THSD7A: variants seen among roughly 807,000 people sequenced by gnomAD.
THSD7A encodes the protein thrombospondin type 1 domain containing 7A, also known as thrombospondin type-1 domain-containing protein 7A.
Under a neutral mutation model 231.3 loss-of-function variants are expected in THSD7A, and 96 were observed. That is an observed-to-expected ratio of 0.41 (90% CI 0.35 to 0.49). THSD7A has a LOEUF of 0.49. THSD7A is among the 20% of genes least tolerant of loss of function. The pLI, the probability that THSD7A is intolerant of heterozygous loss-of-function variation, is 0.05. For synonymous variants in THSD7A, 940 were observed against 743.3 expected (o/e 1.26, Z -4.30); for missense variants, 2,290 against 2,070.2 (o/e 1.11, Z -2.06).
rs1035687682 is a variant in THSD7A at position 11,686,135 on chromosome 7, G to C, written c.191-49174C>G. On this transcript the variant is annotated intron_variant, in intron 1 of 27. Coordinates refer to ENST00000423059, the MANE Select transcript of THSD7A (RefSeq NM_015204.3). Reference sequence around the variant, plus strand: ...TTTATAAAAGTGGGAGCTAAACATTGGGTACATTTAGACATAAAGATGGGA... The same window carrying C: ...TTTATAAAAGTGGGAGCTAAACATTCGGTACATTTAGACATAAAGATGGGA... Among the ~76,000 whole-genome samples the C allele has an allele frequency of 3.3e-5, 5 of 151,834 alleles. No individual in the cohort carries two copies. The South Asian group carries it at 1.0e-3, about 32-fold the overall frequency.
intron 4 of THSD7A, among the ~76,000 whole-genome samples, chr7:11,561,895 A>G (rs558121643): frequency 1.3e-5 from 2 of 152,232 alleles, no homozygotes; most frequent in Admixed American, 1.3e-4. Context: ...AAAAAGATTA[A>G]GTAATTTTCC....
intron 1 of THSD7A, among the ~76,000 whole-genome samples, chr7:11,790,405 A>C (rs1030837964): frequency 3.3e-5 from 5 of 151,924 alleles, no homozygotes; most frequent in African/African-American, 1.2e-4. Flanking sequence ...CCAGTTCCTT[A>C]CTTTACAATA....
chr7:11,757,633 G>A (rs985205798), intron 1 of THSD7A, among the ~76,000 whole-genome samples: 2 of 151,954 alleles, frequency 1.3e-5, no homozygotes, highest in Admixed American at 1.3e-4. Flanking sequence ...CCCAAAATGA[G>A]TAAGTTGATT....
intron 1 of THSD7A, among the ~76,000 whole-genome samples, chr7:11,703,455 T>C (rs1379592034): frequency 2.0e-5 from 3 of 151,220 alleles, no homozygotes; most frequent in Non-Finnish European, 4.4e-5. Flanking sequence ...AGATCCAATG[T>C]CATAGCTTTG....
At chr7:11,799,326 A>G (rs1457330430) in intron 1 of THSD7A, among the ~76,000 whole-genome samples, 1 of 152,198 alleles carries the variant, frequency 6.6e-6, no homozygotes, top group Admixed American at 6.5e-5. Flanking sequence ...TTTATCTTCC[A>G]GTGGAGAAAC....
intron 6 of THSD7A, among the ~76,000 whole-genome samples, chr7:11,510,936 C>A (rs1199798465): frequency 3.3e-5 from 5 of 152,030 alleles, no homozygotes; most frequent in Non-Finnish European, 5.9e-5. Flanking sequence ...CTGGCCAGGG[C>A]AATCAGGCAG....
chr7:11,627,447 T>A (rs1781510503), intron 2 of THSD7A, among the ~76,000 whole-genome samples: 3 of 152,094 alleles, frequency 2.0e-5, no homozygotes, highest in Admixed American at 2.0e-4. Flanking sequence ...GTATATAGCC[T>A]TTCATAATAT....
At chr7:11,806,832 C>T (rs1014154797) in intron 1 of THSD7A, among the ~76,000 whole-genome samples, 56 of 152,110 alleles carry the variant, frequency 3.7e-4, no homozygotes, top group Admixed American at 1.3e-4. Flanking sequence ...TTCCCCTCTG[C>T]TGCTAAAGTG....
At chr7:11,593,859 A>G (rs1332649657) in intron 2 of THSD7A, among the ~76,000 whole-genome samples, 2 of 152,220 alleles carry the variant, frequency 1.3e-5, no homozygotes, top group Non-Finnish European at 2.9e-5. Context: ...GCTAATTTCC[A>G]TTCTGTTTAG....
chr7:11,418,048 G>A (rs1784019725), intron 16 of THSD7A, among the ~76,000 whole-genome samples: 1 of 152,162 alleles, frequency 6.6e-6, no homozygotes. Context: ...AGAGAAGGTA[G>A]AGTTAGTTGA....
chr7:11,523,581 A>T (rs779404180), intron 6 of THSD7A, among the ~76,000 whole-genome samples: 5 of 152,100 alleles, frequency 3.3e-5, no homozygotes, highest in Non-Finnish European at 7.4e-5. Context: ...AAAAACTATT[A>T]ATCAATGAAT....
intron 6 of THSD7A, among the ~76,000 whole-genome samples, chr7:11,528,706 G>T (rs1169045707): frequency 6.6e-6 from 1 of 152,082 alleles, no homozygotes; most frequent in Non-Finnish European, 1.5e-5. Context: ...TCAAGAAAAT[G>T]CACTGTATTA....
intron 6 of THSD7A, among the ~76,000 whole-genome samples, chr7:11,506,271 G>A (rs1467268686): frequency 6.6e-6 from 1 of 152,176 alleles, no homozygotes; most frequent in African/African-American, 2.4e-5. Flanking sequence ...GATTTCAGGA[G>A]TGAGCCGCGC....
chr7:11,394,891 A>G (rs1783122788), intron 23 of THSD7A, among the ~76,000 whole-genome samples: 1 of 152,214 alleles, frequency 6.6e-6, no homozygotes, highest in Admixed American at 6.5e-5. Flanking sequence ...TATCGACACT[A>G]TGAAGAAACT....
chr7:11,609,862 C>A (rs1780864364), intron 2 of THSD7A, among the ~76,000 whole-genome samples: 1 of 151,778 alleles, frequency 6.6e-6, no homozygotes, highest in African/African-American at 2.4e-5. Flanking sequence ...GAAAAAGAAA[C>A]AATTGGCCTG....
intron 1 of THSD7A, among the ~76,000 whole-genome samples, chr7:11,682,448 A>T (rs968562632): frequency 6.6e-6 from 1 of 152,114 alleles, no homozygotes; most frequent in Non-Finnish European, 1.5e-5. Context: ...AGCAGAGGTC[A>T]CTATTCCTGT....
intron 3 of THSD7A, among the ~76,000 whole-genome samples, chr7:11,592,776 G>A (rs1030315810): frequency 6.6e-6 from 1 of 152,066 alleles, no homozygotes; most frequent in Non-Finnish European, 1.5e-5. Flanking sequence ...AATAGTTAAC[G>A]ATAATCTATA....
chr7:11,801,064 G>A (rs897915424), intron 1 of THSD7A, among the ~76,000 whole-genome samples: 1 of 152,100 alleles, frequency 6.6e-6, no homozygotes, highest in African/African-American at 2.4e-5. Flanking sequence ...CACTTTGGGA[G>A]GCTGAGGTGG....
At chr7:11,546,180 G>C (rs908964807) in intron 4 of THSD7A, among the ~76,000 whole-genome samples, 5 of 147,224 alleles carry the variant, frequency 3.4e-5, no homozygotes, top group Non-Finnish European at 6.0e-5. Context: ...TTGCTGCTCT[G>C]TTGTTGCTGG....
Sources: gnomAD v4.1 joint callset for allele counts (sites outside exome capture counted in the v4.1 genomes callset) on GRCh38, gnomAD v4.1.1 for gene constraint, MANE v1.5 for transcripts, NCBI Gene and HGNC (gene_info 2026-07-23, HGNC 2026-07-21) for gene names.